SAMMSON: variants seen among roughly 807,000 people sequenced by gnomAD.
SAMMSON encodes survival associated mitochondrial melanoma specific oncogenic non-coding RNA.
chr3:70,033,095 G>A (rs368381224), intron 3 of SAMMSON, among the ~76,000 whole-genome samples: 2 of 152,128 alleles, frequency 1.3e-5, no homozygotes, highest in Non-Finnish European at 2.9e-5. Flanking sequence ...AACATCTGAC[G>A]TGAGGGGATG....
chr3:70,309,492 G>A (rs1310571076), intron 7 of SAMMSON, among the ~76,000 whole-genome samples: 2 of 152,116 alleles, frequency 1.3e-5, no homozygotes, highest in South Asian at 2.1e-4. Context: ...CATAAAGCAA[G>A]CATTCTAGTC....
intron 4 of SAMMSON, among the ~76,000 whole-genome samples, chr3:70,191,885 T>TAAAAAAAAAAAAAA (rs11407511): frequency 7.4e-6 from 1 of 134,968 alleles, no homozygotes; most frequent in African/African-American, 2.8e-5. Context: ...ACTCTTTCCC[T>TAAAAAAAAAAAAAA]AAAAAAAAAA....
In SAMMSON at chr3:70,094,263, A is replaced by G. The variant is rs1362310220; in HGVS notation, n.507+22698A>G. On this transcript the variant is annotated intron_variant and non_coding_transcript_variant, in intron 4 of 9. Transcript: ENST00000642114. ...CACCAGGATCTCATCTAATAGCCTC[A>G]TGACATCTGTTCTGAACTCATCTAA... Among the ~76,000 whole-genome samples the G allele has an allele frequency of 2.0e-5, 3 of 152,042 alleles. No homozygotes were observed. The East Asian group carries it at 5.8e-4, about 29-fold the overall frequency.
At chr3:70,112,960 C>T (rs2067395674) in intron 4 of SAMMSON, among the ~76,000 whole-genome samples, 1 of 152,116 alleles carries the variant, frequency 6.6e-6, no homozygotes, top group Non-Finnish European at 1.5e-5. Context: ...TGAGTGCTTT[C>T]TATGAACAAG....
chr3:70,088,665 G>C (rs1445535758), intron 4 of SAMMSON, among the ~76,000 whole-genome samples: 1 of 152,114 alleles, frequency 6.6e-6, no homozygotes, highest in Non-Finnish European at 1.5e-5. Context: ...CTGAGCCTCA[G>C]TTTCCTCTTT....
intron 7 of SAMMSON, among the ~76,000 whole-genome samples, chr3:70,315,134 A>G (rs80204753): frequency 0.064 from 9,751 of 152,258 alleles, 414 homozygotes; most frequent in South Asian, 0.084. Flanking sequence ...TTTATTCTGA[A>G]GAGGAAAGAT....
At chr3:70,138,923 C>T (rs1384963432) in intron 4 of SAMMSON, among the ~76,000 whole-genome samples, 1 of 152,074 alleles carries the variant, frequency 6.6e-6, no homozygotes, top group Non-Finnish European at 1.5e-5. Context: ...ACACTGTCAC[C>T]CAGGCAGGAG....
At chr3:70,153,399 C>T (rs967228002) in intron 4 of SAMMSON, among the ~76,000 whole-genome samples, 1 of 152,032 alleles carries the variant, frequency 6.6e-6, no homozygotes, top group South Asian at 2.1e-4. Context: ...CCCTGCAAGT[C>T]ACAGAGCATT....
chr3:70,024,102 A>C (rs752291048), intron 3 of SAMMSON, among the ~76,000 whole-genome samples: 1 of 151,940 alleles, frequency 6.6e-6, no homozygotes, highest in African/African-American at 2.4e-5. Flanking sequence ...CTGGGATTGC[A>C]CTCTCATTAT....
intron 8 of SAMMSON, among the ~76,000 whole-genome samples, chr3:70,357,517 A>G (rs1169366984): frequency 6.6e-6 from 1 of 152,106 alleles, no homozygotes; most frequent in Non-Finnish European, 1.5e-5. Context: ...TCAAAAAGTG[A>G]AATAATTACA....
intron 3 of SAMMSON, among the ~76,000 whole-genome samples, chr3:70,058,887 A>G (rs571742462): frequency 6.6e-6 from 1 of 152,260 alleles, no homozygotes; most frequent in African/African-American, 2.4e-5. Flanking sequence ...ATGAAGTGGA[A>G]TTCAGATTTG....
intron 3 of SAMMSON, among the ~76,000 whole-genome samples, chr3:70,039,768 A>G (rs2067099692): frequency 6.6e-6 from 1 of 152,014 alleles, no homozygotes; most frequent in Admixed American, 6.6e-5. Context: ...ACAAGCTCTT[A>G]GAAGTGGTCC....
At chr3:70,077,865 A>G (rs1473960059) in intron 4 of SAMMSON, among the ~76,000 whole-genome samples, 1 of 152,140 alleles carries the variant, frequency 6.6e-6, no homozygotes, top group Non-Finnish European at 1.5e-5. Flanking sequence ...CCCACGGAAG[A>G]AATTCTCAGC....
chr3:70,233,683 C>T (rs575969168), intron 4 of SAMMSON, among the ~76,000 whole-genome samples: 1 of 152,274 alleles, frequency 6.6e-6, no homozygotes, highest in Admixed American at 6.5e-5. Flanking sequence ...CAACCTGCGA[C>T]CCATTCTTCT....
At chr3:70,395,297 T>C (rs1017270833) in intron 2 of SAMMSON, among the ~76,000 whole-genome samples, 1 of 150,644 alleles carries the variant, frequency 6.6e-6, no homozygotes, top group Non-Finnish European at 1.5e-5. Flanking sequence ...TCACTGCATC[T>C]GAGTTCTCCT....
intron 8 of SAMMSON, among the ~76,000 whole-genome samples, chr3:70,355,375 CAGAT>C (rs947711709): frequency 2.0e-5 from 3 of 151,560 alleles, no homozygotes; most frequent in African/African-American, 7.3e-5. Context: ...GAAACATGCA[CAGAT>C]AAAGTAGGCA....
At chr3:70,271,733 G>A (rs1014179340) in intron 6 of SAMMSON, 2 of 152,098 alleles carry the variant, frequency 1.3e-5, no homozygotes, top group African/African-American at 4.8e-5. Flanking sequence ...AAATCACAGT[G>A]GCCAAAATTG....
chr3:70,024,390 G>C (rs905401542), intron 3 of SAMMSON, among the ~76,000 whole-genome samples: 4 of 152,110 alleles, frequency 2.6e-5, no homozygotes, highest in African/African-American at 4.8e-5. Flanking sequence ...ATAGAAACTA[G>C]TAGATGATAT....
chr3:70,291,721 A>G (rs1040702574), intron 7 of SAMMSON: 2 of 152,240 alleles, frequency 1.3e-5, no homozygotes, highest in African/African-American at 4.8e-5. Context: ...TGAGTCACTG[A>G]CAACAGATTA....
Sources: allele counts gnomAD v4.1 joint callset (sites outside exome capture counted in the v4.1 genomes callset), GRCh38; gene constraint gnomAD v4.1.1; transcripts MANE v1.5; gene names NCBI Gene and HGNC (gene_info 2026-07-23, HGNC 2026-07-21).